Variants in UBXN6 observed in about 807,000 individuals in gnomAD.
UBXN6 encodes the protein UBX domain protein 6, also known as UBX domain-containing protein 6.
In UBXN6, 44 loss-of-function variants were observed where a neutral mutation model predicts 51.4. That is an observed-to-expected ratio of 0.86 (90% CI 0.67 to 1.10). The LOEUF (loss-of-function observed/expected upper bound fraction) is 1.10. Ranked by LOEUF, UBXN6 falls within the 50% of genes least tolerant of loss-of-function variation. The probability of loss-of-function intolerance (pLI) is 0.00; values close to 1 mark genes in which losing one functional copy is unlikely to be tolerated. For missense variants in UBXN6, 672 were observed against 596.1 expected, an observed-to-expected ratio of 1.13 and a Z score of -1.32; for synonymous variants, 316 against 263.2, an observed-to-expected ratio of 1.20 and a Z score of -1.94.
chr19:4,448,231 G>A (rs1974579619), intron 5 of UBXN6, 87 bp downstream of exon 5: 1 of 1,227,200 alleles, frequency 8.1e-7, no homozygotes, highest in Admixed American at 2.0e-5. Flanking sequence ...CAGGTAATGA[G>A]GGGGCCAGAG....
At chr19:4,445,965 C>T (rs758531878) in intron 10 of UBXN6, 84 bp downstream of exon 10, 4 of 1,509,168 alleles carry the variant, frequency 2.7e-6, no homozygotes, top group Non-Finnish European at 3.5e-6. Flanking sequence ...AACAAGGAGG[C>T]TCCCTCCTGG....
intron 6 of UBXN6, chr19:4,447,181 G>C (rs1406452586): frequency 1.7e-6 from 1 of 588,192 alleles, no homozygotes; most frequent in Non-Finnish European, 3.0e-6. Context: ...ACACTGCTGG[G>C]GCCTGATGCG....
chr19:4,451,707 G>A (rs1242331117), intron 4 of UBXN6, among the ~76,000 whole-genome samples: 1 of 151,410 alleles, frequency 6.6e-6, no homozygotes, highest in Admixed American at 6.6e-5. Context: ...GCGCTATCTC[G>A]GCTCACCACA....
At chr19:4,448,566 C>A (rs977422278) in intron 4 of UBXN6, 151 bp from the exon 5 acceptor site, 39 of 667,934 alleles carry the variant, frequency 5.8e-5, no homozygotes, top group Non-Finnish European at 8.8e-5. Flanking sequence ...AAAAGAGAGA[C>A]CCTCCAAGAC....
chr19:4,448,040 G>T (rs1351205052), intron 5 of UBXN6: 4 of 546,176 alleles, frequency 7.3e-6, no homozygotes, highest in Non-Finnish European at 1.3e-5. Flanking sequence ...GGGGAGTGGG[G>T]TGGGACCCTG....
rs1452418749 is a variant in UBXN6 at position 4,445,467 on chromosome 19, C to A, written c.*31G>T. On this transcript the variant is annotated 3_prime_UTR_variant, in exon 11 of 11. Transcript: ENST00000301281. ...GGAACAGGGAGAGCATGAGACAGAC[C>A]CACAGGGCTGAGGCCAACCCTGCTT... 1 of 1,613,074 alleles carries A rather than the reference C, an allele frequency of 6.2e-7. No homozygotes were observed. Among genetic ancestry groups the A allele is most frequent in the Non-Finnish European group, 8.5e-7 (1 of 1,179,722 alleles).
intron 10 of UBXN6, 138 bp downstream of exon 10, chr19:4,445,911 G>A: frequency 2.9e-6 from 4 of 1,377,050 alleles, no homozygotes; most frequent in South Asian, 1.4e-5. Context: ...AAGTGGGAAA[G>A]CAGGATTCAA....
Position 4,445,385 on chromosome 19 carries a change from T to A in UBXN6, c.*113A>T. On this transcript the variant is annotated 3_prime_UTR_variant, in exon 11 of 11. Coordinates refer to ENST00000301281, the MANE Select transcript of UBXN6 (RefSeq NM_025241.3). ...ACGGCTGGCGCCCCTCCCGTGCCCA[T>A]GGGGCAGAGCCAAGTATTTCCAGAG... 3 of 1,525,540 alleles carry A rather than the reference T, an allele frequency of 2.0e-6. No individual in the cohort carries two copies. Among genetic ancestry groups the A allele is most frequent in the Non-Finnish European group, 2.7e-6 (3 of 1,125,974 alleles). The allele number at this position is 1,525,540 out of a possible 1,614,324, so 94.5% of individuals were successfully genotyped here.
chr19:4,457,593 A>G (rs760703814), intron 1 of UBXN6, 22 bp downstream of exon 1: 1 of 1,579,804 alleles, frequency 6.3e-7, no homozygotes, highest in Non-Finnish European at 8.6e-7. Context: ...CAGGGCCTCA[A>G]GCCCCTGCGT....
At chr19:4,450,758 CAAAAAAAAAAAAAAAAAAAAA>C (rs58900477) in intron 4 of UBXN6, 1 of 43,776 alleles carries the variant, frequency 2.3e-5, no homozygotes, top group African/African-American at 9.5e-5. Flanking sequence ...GACTCTGTCT[CAAAAAAAAAAAAAAAAAAAAA>C]AAAAAAAGAG....
At chr19:4,452,141 T>TC (rs1339265775) in intron 4 of UBXN6, among the ~76,000 whole-genome samples, 1 of 144,182 alleles carries the variant, frequency 6.9e-6, no homozygotes, top group East Asian at 2.0e-4. Flanking sequence ...AGAGTGAGAC[T>TC]CCATCTCAAA....
chr19:4,457,561 C>T (rs1974757476), intron 1 of UBXN6, 54 bp downstream of exon 1: 12 of 1,519,780 alleles, frequency 7.9e-6, no homozygotes, highest in Admixed American at 7.4e-5. Flanking sequence ...CCAGATCTCT[C>T]TCCCCGGCCG....
intron 4 of UBXN6, chr19:4,448,821 T>C (rs1355495965): frequency 1.4e-5 from 3 of 213,910 alleles, no homozygotes; most frequent in Non-Finnish European, 2.9e-5. Context: ...CGCAGCCCCA[T>C]GATGGACGTT....
chr19:4,448,465 C>G, intron 4 of UBXN6, 50 bp from the exon 5 acceptor site: 1 of 1,457,014 alleles, frequency 6.9e-7, no homozygotes. Context: ...CCGGGCCGCA[C>G]GGCCCTCCGC....
intron 5 of UBXN6, chr19:4,447,891 C>T (rs1001597251): frequency 1.5e-5 from 8 of 525,468 alleles, no homozygotes; most frequent in East Asian, 1.0e-4. Context: ...TTAACCACAG[C>T]GGTGGGGAAG....
At chr19:4,457,536 G>C (rs1265306501) in intron 1 of UBXN6, 79 bp downstream of exon 1, 4 of 1,155,674 alleles carry the variant, frequency 3.5e-6, no homozygotes, top group South Asian at 1.4e-5. Context: ...CCGATCTCCC[G>C]AGCCGCCCAA....
intron 4 of UBXN6, chr19:4,448,727 C>T (rs1974594438): frequency 5.2e-6 from 2 of 386,330 alleles, no homozygotes; most frequent in Non-Finnish European, 9.7e-6. Context: ...GGCTTTAGAA[C>T]TCGACCTCAG....
At chr19:4,450,221 C>CAAAAA (rs537622437) in intron 4 of UBXN6, 1 of 49,198 alleles carries the variant, frequency 2.0e-5, no homozygotes, top group African/African-American at 6.5e-5. Context: ...GACTCTGTCT[C>CAAAAA]AAAAAAAAAA....
intron 4 of UBXN6, among the ~76,000 whole-genome samples, chr19:4,451,740 C>T (rs1015682258): frequency 6.6e-6 from 1 of 151,682 alleles, no homozygotes; most frequent in Admixed American, 6.6e-5. Flanking sequence ...TGGATTCAAG[C>T]AATTCTCTTG....
Sources: gnomAD v4.1 joint callset for allele counts (sites outside exome capture counted in the v4.1 genomes callset) on GRCh38, gnomAD v4.1.1 for gene constraint, MANE v1.5 for transcripts, NCBI Gene and HGNC (gene_info 2026-07-23, HGNC 2026-07-21) for gene names.